The following ZFYVE26 variants were observed in gnomAD, a reference collection of about 807,000 sequenced individuals.
ZFYVE26 encodes zinc finger FYVE domain-containing protein 26.
In ZFYVE26, 181 loss-of-function variants were observed where a neutral mutation model predicts 276.5. The ratio of observed to expected loss-of-function variants is 0.65; its 90% CI spans 0.58 to 0.74. The LOEUF (loss-of-function observed/expected upper bound fraction) is 0.74, where lower values mean the gene tolerates loss of function less well. Ranked by LOEUF, ZFYVE26 falls within the 30% of genes least tolerant of loss-of-function variation. ZFYVE26 has a pLI of 0.00. For synonymous variants in ZFYVE26, 1,129 were observed against 1,203.1 expected, an observed-to-expected ratio of 0.94 and a Z score of 1.27; for missense variants, 2,821 against 3,097.9, an observed-to-expected ratio of 0.91 and a Z score of 2.12.
At chr14:67,792,714 C>A (rs529197806) in intron 14 of ZFYVE26, among the ~76,000 whole-genome samples, 2 of 151,440 alleles carry the variant, frequency 1.3e-5, no homozygotes, top group South Asian at 2.1e-4. Flanking sequence ...GAGTTTGAGA[C>A]CAGCCTGACA....
At chr14:67,743,345 GC>G (rs1189619139), downstream of ZFYVE26, among the ~76,000 whole-genome samples, 6 of 151,856 alleles carry the variant, frequency 4.0e-5, no homozygotes, top group African/African-American at 1.5e-4. Flanking sequence ...ACAAAAAGTA[GC>G]CCAGCCTTGT....
At chr14:67,767,037 CCCT>C (rs1274614505) in intron 31 of ZFYVE26, among the ~76,000 whole-genome samples, 2 of 152,082 alleles carry the variant, frequency 1.3e-5, no homozygotes, top group African/African-American at 4.8e-5. Flanking sequence ...TCCATAGGTC[CCCT>C]CCTTTCTCTG....
chr14:67,753,878 C>A, intron 38 of ZFYVE26, 112 bp from the exon 39 acceptor site: 1 of 1,488,130 alleles, frequency 6.7e-7, no homozygotes, highest in East Asian at 2.3e-5. Context: ...TTGTTGAGAC[C>A]CTGCTAAGTG....
downstream of ZFYVE26, among the ~76,000 whole-genome samples, chr14:67,745,098 T>C (rs982857218): frequency 2.6e-5 from 4 of 152,362 alleles, no homozygotes; most frequent in Admixed American, 1.3e-4. Flanking sequence ...TTTTTAATAA[T>C]TGCCATTCTA....
intron 15 of ZFYVE26, 27 bp downstream of exon 15, chr14:67,790,545 C>G: frequency 6.2e-7 from 1 of 1,611,652 alleles, no homozygotes; most frequent in Non-Finnish European, 8.5e-7. Context: ...CACCTCACCA[C>G]TTATGGTGTT....
At chr14:67,737,712 A>G (rs1174900680) in intron 13 of ZFYVE26, among the ~76,000 whole-genome samples, 1 of 152,212 alleles carries the variant, frequency 6.6e-6, no homozygotes, top group African/African-American at 2.4e-5. Context: ...ATCACACAAA[A>G]GAGTAGTACC....
At position 67,805,308 on chromosome 14, in the gene ZFYVE26, A is replaced by G. The variant is rs1232358542; in HGVS notation, c.1183-3T>C. On this transcript the variant is annotated splice_polypyrimidine_tract_variant and splice_region_variant and intron_variant, in intron 7 of 41. Coordinates refer to ENST00000347230, the MANE Select transcript of ZFYVE26 (RefSeq NM_015346.4). The stretch of plus-strand genomic sequence containing the variant: ...AGGAGCTCATCACAGCCTGGGCCCT[A>G]TGTTGATATGGGAGAAGAAAGAGAT... 1 of 1,614,112 alleles carries G rather than the reference A, an allele frequency of 6.2e-7. No homozygotes were observed. The highest frequency in any genetic ancestry group is 1.7e-5 in the Admixed American group (1 of 60,016).
At chr14:67,803,964 T>C (rs906280865) in intron 9 of ZFYVE26, 137 bp downstream of exon 9, 1 of 1,115,990 alleles carries the variant, frequency 9.0e-7, no homozygotes, top group Non-Finnish European at 1.3e-6. Flanking sequence ...GGACAAACAG[T>C]GCTCATTTAG....
intron 28 of ZFYVE26, 37 bp from the exon 29 acceptor site, chr14:67,769,767 G>T (rs1350123734): frequency 6.2e-7 from 1 of 1,613,284 alleles, no homozygotes; most frequent in African/African-American, 1.3e-5. Flanking sequence ...AAAGAGGGAG[G>T]AGAGAAGGGG....
intron 25 of ZFYVE26, among the ~76,000 whole-genome samples, chr14:67,776,332 T>A (rs769755998): frequency 6.6e-6 from 1 of 152,214 alleles, no homozygotes; most frequent in South Asian, 2.1e-4. Flanking sequence ...GTTAGTAAAC[T>A]TTTCCTATAA....
At chr14:67,746,299 G>GC (rs2038487491), downstream of ZFYVE26, among the ~76,000 whole-genome samples, 1 of 102,750 alleles carries the variant, frequency 9.7e-6, no homozygotes, top group African/African-American at 5.3e-5. Context: ...CCCAACTGAA[G>GC]CAAAAAAAAA....
chr14:67,807,114 A>G (rs571964587), intron 5 of ZFYVE26, among the ~76,000 whole-genome samples: 13 of 152,018 alleles, frequency 8.6e-5, no homozygotes, highest in African/African-American at 3.1e-4. Context: ...GCTAATTTCT[A>G]AATTTTTTTT....
chr14:67,770,201 C>A, intron 28 of ZFYVE26: 1 of 223,762 alleles, frequency 4.5e-6, no homozygotes, highest in South Asian at 6.9e-5. Context: ...CGGTGGTTCA[C>A]GCCTATAATC....
chr14:67,792,636 G>A (rs910092695), intron 14 of ZFYVE26, among the ~76,000 whole-genome samples: 1 of 152,146 alleles, frequency 6.6e-6, no homozygotes, highest in Non-Finnish European at 1.5e-5. Context: ...TTGAGACTGG[G>A]CGCAATGGCT....
intron 19 of ZFYVE26, 134 bp downstream of exon 19, chr14:67,784,925 G>A: frequency 1.1e-6 from 1 of 939,750 alleles, no homozygotes; most frequent in Non-Finnish European, 1.7e-6. Context: ...ATGAATAAGA[G>A]AGGACAACCT....
chr14:67,766,491 G>T, intron 31 of ZFYVE26, 44 bp from the exon 32 acceptor site: 1 of 1,583,070 alleles, frequency 6.3e-7, no homozygotes, highest in Non-Finnish European at 8.7e-7. Flanking sequence ...GAGTCCAGGG[G>T]CCAGAGCATT....
chr14:67,739,253 A>G (rs2038386903), intron 13 of ZFYVE26, among the ~76,000 whole-genome samples: 1 of 152,168 alleles, frequency 6.6e-6, no homozygotes, highest in African/African-American at 2.4e-5. Flanking sequence ...AATCATCTTG[A>G]GACCATGAGT....
chr14:67,802,426 G>A, intron 9 of ZFYVE26, 144 bp from the exon 10 acceptor site: 1 of 818,174 alleles, frequency 1.2e-6, no homozygotes, highest in Non-Finnish European at 2.0e-6. Context: ...TCTGATCTGT[G>A]TCACTTCTAG....
At chr14:67,758,374 A>G (rs2038842438) in intron 35 of ZFYVE26, among the ~76,000 whole-genome samples, 1 of 152,202 alleles carries the variant, frequency 6.6e-6, no homozygotes, top group Non-Finnish European at 1.5e-5. Context: ...GCAGCACCTC[A>G]AGAACTTCCA....
Sources: gnomAD v4.1 joint callset for allele counts (sites outside exome capture counted in the v4.1 genomes callset) on GRCh38, gnomAD v4.1.1 for gene constraint, MANE v1.5 for transcripts, NCBI Gene and HGNC (gene_info 2026-07-23, HGNC 2026-07-21) for gene names.